SEL1L3: variants seen among roughly 807,000 people sequenced by gnomAD.
The protein encoded by SEL1L3 is protein sel-1 homolog 3.
A neutral mutation model predicts 142.8 loss-of-function variants in SEL1L3; 76 were observed. The ratio of observed to expected loss-of-function variants is 0.53; its 90% CI spans 0.44 to 0.64. The LOEUF (loss-of-function observed/expected upper bound fraction) is 0.64. Among genes scored for constraint, SEL1L3 ranks in the 30% least tolerant of loss-of-function variants. SEL1L3 has a pLI of 0.00. For synonymous variants in SEL1L3, 504 were observed against 519.6 expected, an observed-to-expected ratio of 0.97 and a Z score of 0.41; for missense variants, 1,262 against 1,381.7, an observed-to-expected ratio of 0.91 and a Z score of 1.37.
intron 1 of SEL1L3, among the ~76,000 whole-genome samples, chr4:25,849,221 G>GA (rs1259479880): frequency 6.6e-6 from 1 of 152,146 alleles, no homozygotes; most frequent in Non-Finnish European, 1.5e-5. Flanking sequence ...GACTTGAAGA[G>GA]ATGTTTGTAC....
At chr4:25,821,938 C>T (rs1286518875) in intron 7 of SEL1L3, 58 bp downstream of exon 7, 27 of 1,569,298 alleles carry the variant, frequency 1.7e-5, no homozygotes, top group Non-Finnish European at 2.2e-5. Context: ...TGGCACACCC[C>T]TGAGGCCCAC....
At chr4:25,849,898 C>T (rs1344330368) in intron 1 of SEL1L3, among the ~76,000 whole-genome samples, 1 of 152,056 alleles carries the variant, frequency 6.6e-6, no homozygotes, top group Non-Finnish European at 1.5e-5. Context: ...GTAAACAAGC[C>T]CAAGGGTGCA....
At chr4:25,859,492 C>T (rs964732692) in intron 1 of SEL1L3, among the ~76,000 whole-genome samples, 8 of 152,166 alleles carry the variant, frequency 5.3e-5, no homozygotes, top group Admixed American at 1.3e-4. Context: ...CCTATGGAGA[C>T]GGAAGGCACC....
intron 6 of SEL1L3, among the ~76,000 whole-genome samples, chr4:25,822,799 T>C (rs939721224): frequency 6.6e-6 from 1 of 152,296 alleles, no homozygotes. Flanking sequence ...TTGGCATTTA[T>C]AGAATGCATG....
downstream of SEL1L3, among the ~76,000 whole-genome samples, chr4:25,743,439 G>C (rs1717173582): frequency 6.6e-6 from 1 of 152,120 alleles, no homozygotes; most frequent in South Asian, 2.1e-4. Flanking sequence ...TTTTGCCAAA[G>C]TCAAGGATGT....
intron 9 of SEL1L3, among the ~76,000 whole-genome samples, chr4:25,811,335 G>A (rs1477799466): frequency 1.3e-5 from 2 of 152,192 alleles, no homozygotes; most frequent in Non-Finnish European, 2.9e-5. Context: ...ACAGCGTCCT[G>A]GTAGACCTGA....
At chr4:25,804,514 T>C in intron 10 of SEL1L3, 27 bp downstream of exon 10, 1 of 1,511,982 alleles carries the variant, frequency 6.6e-7, no homozygotes, top group African/African-American at 1.4e-5. Context: ...AAGTGACTGA[T>C]GTTAATGGAG....
At chr4:25,767,383 C>T in intron 19 of SEL1L3, 142 bp downstream of exon 19, 3 of 630,696 alleles carry the variant, frequency 4.8e-6, no homozygotes, top group Non-Finnish European at 8.6e-6. Context: ...CAGAGTTTAG[C>T]GATCTTAATA....
Position 25,757,681 on chromosome 4 carries a change from A to C in SEL1L3, c.3186+7T>G. 1 of 1,582,170 alleles carries C rather than the reference A, an allele frequency of 6.3e-7. No individual in the cohort carries two copies. The highest frequency in any genetic ancestry group is 8.6e-7 in the Non-Finnish European group (1 of 1,164,314). The stretch of plus-strand genomic sequence containing the variant: ...CAAGGGTGGGGCCGGTGGGACATGA[A>C]ACCTACCAGGGCTGAGTGCAGGATA... On this transcript the variant is annotated splice_region_variant and intron_variant, in intron 22 of 23. Transcript: ENST00000399878.
At chr4:25,820,018 T>G in intron 7 of SEL1L3, 78 bp from the exon 8 acceptor site, 1 of 1,419,306 alleles carries the variant, frequency 7.0e-7, no homozygotes, top group African/African-American at 1.4e-5. Flanking sequence ...TGTGTTTGGG[T>G]TGACTTTGTT....
intron 1 of SEL1L3, among the ~76,000 whole-genome samples, chr4:25,858,576 T>G (rs187739160): frequency 3.2e-4 from 49 of 151,910 alleles, no homozygotes; most frequent in Middle Eastern, 3.4e-3. Flanking sequence ...TTTTTGATTT[T>G]TTTGTTTGTT....
rs116797794 is a variant in SEL1L3 at position 25,751,613 on chromosome 4, C to T, written c.3260-3049G>A. Among the ~76,000 whole-genome samples the T allele has an allele frequency of 2.1e-3, 310 of 151,130 alleles. 1 individual carries two copies. The highest frequency in any genetic ancestry group is 6.9e-3 in the African/African-American group (283 of 41,176). ...GAGCCAGGAGTCAAACACAAGTTCC[C>T]TTGAAGGAAAGAATACATATATTTA... On this transcript the variant is annotated intron_variant, in intron 23 of 23. Coordinates refer to ENST00000399878, the MANE Select transcript of SEL1L3 (RefSeq NM_015187.5).
chr4:25,726,861 T>C, the SEL1L3 span, among the ~76,000 whole-genome samples: 3 of 152,168 alleles, frequency 2.0e-5, no homozygotes, highest in Non-Finnish European at 4.4e-5. Flanking sequence ...GGCTTTTCCA[T>C]GGCAATGGAA....
Position 25,847,700 on chromosome 4 carries a change from A to G in SEL1L3, c.327T>C (p.Cys109=). The change falls in exon 2 of 24, where the codon TGT becomes TGC. Residue 109 remains cysteine (C), a synonymous_variant. Transcript: ENST00000399878. ...AAACAACTGCTTCCAAATTGACAAC[A>G]CAAGGCTGAGAGCATAAATACTCAA... ...VSVEYLCSQP[C]VVNLEAVVSS... is the part of the protein sequence containing the mutation. 1 of 1,613,994 alleles carries G rather than the reference A, an allele frequency of 6.2e-7. No individual in the cohort carries two copies. Among genetic ancestry groups the G allele is most frequent in the Non-Finnish European group, 8.5e-7 (1 of 1,179,888 alleles).
chr4:25,805,476 T>A (rs547279069), intron 9 of SEL1L3, among the ~76,000 whole-genome samples: 1 of 152,242 alleles, frequency 6.6e-6, no homozygotes, highest in South Asian at 2.1e-4. Context: ...AAAGCCAGAG[T>A]TCACAGTCAC....
chr4:25,858,404 T>G (rs1717409942), intron 1 of SEL1L3, among the ~76,000 whole-genome samples: 2 of 152,204 alleles, frequency 1.3e-5, no homozygotes, highest in East Asian at 3.8e-4. Flanking sequence ...TGCTCTGCAT[T>G]GCACACATAG....
intron 2 of SEL1L3, among the ~76,000 whole-genome samples, chr4:25,838,364 G>A (rs545455163): frequency 6.6e-6 from 1 of 152,292 alleles, no homozygotes; most frequent in African/African-American, 2.4e-5. Context: ...TCAAATTTTA[G>A]AGCAAGAAGA....
intron 13 of SEL1L3, among the ~76,000 whole-genome samples, chr4:25,787,629 T>G (rs1301176796): frequency 6.6e-6 from 1 of 152,178 alleles, no homozygotes; most frequent in African/African-American, 2.4e-5. Context: ...CATACTATTT[T>G]GTATAAAGAA....
intron 11 of SEL1L3, among the ~76,000 whole-genome samples, chr4:25,799,850 C>T (rs905178703): frequency 3.3e-5 from 5 of 152,114 alleles, no homozygotes; most frequent in African/African-American, 9.7e-5. Flanking sequence ...TTATCATATG[C>T]GGAGTGCAGC....
Sources: allele counts gnomAD v4.1 joint callset (sites outside exome capture counted in the v4.1 genomes callset), GRCh38; gene constraint gnomAD v4.1.1; transcripts MANE v1.5; gene names NCBI Gene and HGNC (gene_info 2026-07-23, HGNC 2026-07-21).